The following ZNF99 variants were observed in gnomAD, a reference collection of about 807,000 sequenced individuals.
The protein encoded by ZNF99 is zinc finger protein ENSP00000375192.
ZNF99 carries 8 observed loss-of-function variants against 12.8 expected under a neutral mutation model. The ratio of observed to expected loss-of-function variants is 0.62; its 90% CI spans 0.37 to 1.13. The LOEUF (loss-of-function observed/expected upper bound fraction) is 1.13, where lower values mean the gene tolerates loss of function less well. ZNF99 is among the 50% of genes most tolerant of loss of function. ZNF99 has a pLI of 0.02. For missense variants in ZNF99, 1,007 were observed against 1,006.2 expected (o/e 1.00, Z -0.01); for synonymous variants, 318 against 319.0 (o/e 1.00, Z 0.03).
In ZNF99 at chr19:22,758,815, T is replaced by C. The variant is rs58653025; in HGVS notation, c.1094A>G (p.Glu365Gly). Reference sequence around the variant, plus strand: ...TTCTTCATATTTGTAGGGTTTCTCTTCAGTATGAATTATCTCATGTTTTCT... The same window carrying C: ...TTCTTCATATTTGTAGGGTTTCTCTCCAGTATGAATTATCTCATGTTTTCT... ...TLRKHEIIHT[E>G]EKPYKYEECG... The change falls in exon 4 of 4, where the codon GAA becomes GGA. Residue 365 changes from glutamate to glycine, a missense_variant. Physicochemically the swap from Glu to Gly is moderately conservative, Grantham distance 98. Coordinates refer to ENST00000596209, the MANE Select transcript of ZNF99 (RefSeq NM_001080409.3). The C allele has an allele frequency of 0.13, 210,279 of 1,612,618 alleles. 16,419 individuals are homozygous for C. The highest frequency in any genetic ancestry group is 0.38 in the African/African-American group (28,382 of 74,686).
At chr19:22,782,659 GC>G (rs1973401283) in intron 1 of ZNF99, among the ~76,000 whole-genome samples, 2 of 113,620 alleles carry the variant, frequency 1.8e-5, no homozygotes, top group East Asian at 5.1e-4. Context: ...ACCGCACCTG[GC>G]CTTTTTTTTT....
Position 22,756,391 on chromosome 19 carries a change from A to G in ZNF99, c.*923T>C, listed in dbSNP as rs752961901. The G allele has an allele frequency of 3.1e-5, 50 of 1,590,170 alleles. 2 individuals are homozygous for G. The highest frequency in any genetic ancestry group is 4.2e-5 in the Non-Finnish European group (49 of 1,169,932). ...CACATTTGTAGGGTTTCTCTCCAGA[A>G]TGAATTATCTTATGTTTAGTAAGGT... On this transcript the variant is annotated 3_prime_UTR_variant, in exon 4 of 4. Transcript: ENST00000596209.
Position 22,757,296 on chromosome 19 carries a change from G to A in ZNF99, c.*18C>T. On this transcript the variant is annotated 3_prime_UTR_variant, in exon 4 of 4. Coordinates refer to ENST00000596209, the MANE Select transcript of ZNF99 (RefSeq NM_001080409.3). ...TTGCCACATTCTTCACATTTGTAGGGTTTCTTTCCAGTATGAATTATCTCA... is the reference window on the plus strand; with the variant it reads ...TTGCCACATTCTTCACATTTGTAGGATTTCTTTCCAGTATGAATTATCTCA... 1.9e-6 allele frequency: 3 copies of A among 1,613,064 alleles called. No individual in the cohort carries two copies. Among genetic ancestry groups the A allele is most frequent in the African/African-American group, 1.3e-5 (1 of 74,916 alleles).
At chr19:22,774,338 C>T (rs751095144) in intron 1 of ZNF99, 1 of 152,992 alleles carries the variant, frequency 6.5e-6, no homozygotes, top group Non-Finnish European at 1.5e-5. Flanking sequence ...GGTTTCTCTT[C>T]CATCTCTGCT....
At chr19:22,767,113 A>G (rs1243961418) in intron 3 of ZNF99, among the ~76,000 whole-genome samples, 2 of 151,424 alleles carry the variant, frequency 1.3e-5, no homozygotes, top group Non-Finnish European at 2.9e-5. Context: ...CTACCAAAAA[A>G]AAAAAAAAAA....
intron 3 of ZNF99, among the ~76,000 whole-genome samples, chr19:22,763,466 T>C (rs1345247548): frequency 6.6e-6 from 1 of 151,728 alleles, no homozygotes; most frequent in Non-Finnish European, 1.5e-5. Flanking sequence ...AAAACACTGC[T>C]GAAAGAAATC....
chr19:22,771,630 A>C (rs972592489), intron 1 of ZNF99, among the ~76,000 whole-genome samples: 1 of 150,484 alleles, frequency 6.6e-6, no homozygotes, highest in Non-Finnish European at 1.5e-5. Context: ...TACATGTTCT[A>C]CTTTTTCCGT....
chr19:22,783,604 G>A (rs1412865353), intron 1 of ZNF99, among the ~76,000 whole-genome samples: 3 of 152,236 alleles, frequency 2.0e-5, no homozygotes, highest in Non-Finnish European at 4.4e-5. Context: ...TTACTTTAGT[G>A]ATGACTGCCA....
chr19:22,767,409 GAATTTAAAAAAATCTATATTTCATGCA>G (rs1307667872), intron 3 of ZNF99, among the ~76,000 whole-genome samples: 1 of 152,078 alleles, frequency 6.6e-6, no homozygotes, highest in African/African-American at 2.4e-5. Flanking sequence ...GTAAGTAACA[GAATTTAAAAAAATCTATATTTCATGCA>G]AATAGTAGCC....
intron 1 of ZNF99, among the ~76,000 whole-genome samples, chr19:22,783,688 C>T (rs779865734): frequency 2.6e-5 from 4 of 152,192 alleles, no homozygotes; most frequent in African/African-American, 7.2e-5. Flanking sequence ...TGAACCCGCA[C>T]CCGGAGTCAG....
At chr19:22,780,436 T>TA (rs978048542) in intron 1 of ZNF99, among the ~76,000 whole-genome samples, 1 of 152,234 alleles carries the variant, frequency 6.6e-6, no homozygotes, top group African/African-American at 2.4e-5. Context: ...CTCATGCCTG[T>TA]AATCCCAGCA....
chr19:22,766,124 A>G (rs73028919), intron 3 of ZNF99, among the ~76,000 whole-genome samples: 12,716 of 151,616 alleles, frequency 0.084, 560 homozygotes, highest in Middle Eastern at 0.11. Context: ...ATTAAAACAC[A>G]TTGATTTAAT....
At chr19:22,763,411 A>G (rs1487038628) in intron 3 of ZNF99, among the ~76,000 whole-genome samples, 1 of 152,132 alleles carries the variant, frequency 6.6e-6, no homozygotes, top group Admixed American at 6.5e-5. Flanking sequence ...AAAATTAGGA[A>G]TATACCTAAC....
intron 1 of ZNF99, 111 bp downstream of exon 1, chr19:22,783,903 G>T: frequency 7.1e-7 from 1 of 1,400,942 alleles, no homozygotes; most frequent in Non-Finnish European, 1.0e-6. Flanking sequence ...AGAGCTCGGG[G>T]CGCAGACTGT....
At position 22,754,026 on chromosome 19, in the gene ZNF99, G is replaced by A; in HGVS notation, c.*3288C>T. On this transcript the variant is annotated 3_prime_UTR_variant, in exon 4 of 4. Transcript: ENST00000596209. ...CTGTCATGTCTTTTAGGTTTGTAGA[G>A]CTTCTCTCCAGTATGATTTGATAAC... 1 of 455,944 alleles carries A rather than the reference G, an allele frequency of 2.2e-6. No individual in the cohort carries two copies. The highest frequency in any genetic ancestry group is 4.4e-6 in the Non-Finnish European group (1 of 226,784). 28.2% of individuals were successfully genotyped at this position (455,944 alleles called of 1,614,324 possible).
chr19:22,758,088 G>A lies in ZNF99; in HGVS notation c.1821C>T (p.Ala607=), dbSNP rs75293750. ...ECGKAFNHFS[A]LRKHQIIHTG... ...TATGAATTATCTGATGTTTTCTAAG[G>A]GCTGAGAAGTGGTTAAAAGCTTTGC... Residue 607 remains alanine (A), a synonymous_variant, in exon 4 of 4, where the codon GCC becomes GCT. Coordinates refer to ENST00000596209, the MANE Select transcript of ZNF99 (RefSeq NM_001080409.3). 12 of 1,604,032 alleles carry A rather than the reference G, an allele frequency of 7.5e-6. No individual in the cohort carries two copies. The highest frequency in any genetic ancestry group is 9.4e-6 in the Non-Finnish European group (11 of 1,173,552).
At chr19:22,759,714 C>G in intron 3 of ZNF99, 32 bp from the exon 4 acceptor site, 1 of 1,416,330 alleles carries the variant, frequency 7.1e-7, no homozygotes. Flanking sequence ...AATTATGTCA[C>G]TTGCTAGACT....
chr19:22,754,566 C>T lies in ZNF99; in HGVS notation c.*2748G>A, dbSNP rs762439985. 1.2e-5 allele frequency: 5 copies of T among 421,652 alleles called. No individual in the cohort carries two copies. The highest frequency in any genetic ancestry group is 2.3e-5 in the Non-Finnish European group (5 of 213,986). The allele number at this position is 421,652 out of a possible 1,614,324, so 26.1% of individuals were successfully genotyped here. On this transcript the variant is annotated 3_prime_UTR_variant, in exon 4 of 4. Coordinates refer to ENST00000596209, the MANE Select transcript of ZNF99 (RefSeq NM_001080409.3). ...CAGTTAAAGACTTTGTTACATTCTT[C>T]ACATTTGTCGGGTTTCTCTTCAGTA...
At chr19:22,764,969 G>GC (rs1231172484) in intron 3 of ZNF99, among the ~76,000 whole-genome samples, 1 of 152,138 alleles carries the variant, frequency 6.6e-6, no homozygotes, top group East Asian at 1.9e-4. Flanking sequence ...ATTTGATCCA[G>GC]CAATCCCACT....
Sources: allele counts gnomAD v4.1 joint callset (sites outside exome capture counted in the v4.1 genomes callset), GRCh38; gene constraint gnomAD v4.1.1; transcripts MANE v1.5; gene names NCBI Gene and HGNC (gene_info 2026-07-23, HGNC 2026-07-21).